Variants in GOT2 observed in about 807,000 individuals in gnomAD.
The protein encoded by GOT2 is glutamic-oxaloacetic transaminase 2, also known as aspartate aminotransferase, mitochondrial.
A neutral mutation model predicts 50.0 loss-of-function variants in GOT2; 17 were observed. The observed-to-expected ratio is 0.34, with a 90% confidence interval of 0.23 to 0.51. GOT2 has a LOEUF of 0.51. GOT2 is among the 20% of genes least tolerant of loss of function. GOT2 has a pLI of 0.97. For missense variants in GOT2, 430 were observed against 559.6 expected, an observed-to-expected ratio of 0.77 and a Z score of 2.34; for synonymous variants, 172 against 204.9, an observed-to-expected ratio of 0.84 and a Z score of 1.37.
chr16:58,725,965 G>A (rs1291332724), intron 1 of GOT2, among the ~76,000 whole-genome samples: 2 of 152,242 alleles, frequency 1.3e-5, no homozygotes, highest in Admixed American at 1.3e-4. Context: ...ACCCCAAAGA[G>A]CTTTTATTTA....
In GOT2 at chr16:58,716,375, G is replaced by A. The variant is rs2044692972; in HGVS notation, c.854-196C>T. The A allele has an allele frequency of 4.9e-6, 3 of 609,160 alleles. No homozygotes were observed. In the African/African-American group the frequency reaches 5.6e-5, roughly 11 times the overall value. The allele number at this position is 609,160 out of a possible 1,614,324, so 37.7% of individuals were successfully genotyped here. On this transcript the variant is annotated intron_variant, in intron 7 of 9. Transcript: ENST00000245206. ...GTTTTGAGTACTCAGAGTATTCAAA[G>A]GTATTTTTTATTGTATCTATCTTCT...
Position 58,718,115 on chromosome 16 carries a change from T to G in GOT2, c.702+81A>C, listed in dbSNP as rs1252884616. The G allele has an allele frequency of 8.2e-6, 8 of 972,736 alleles. 1 individual carries two copies. The highest frequency in any genetic ancestry group is 1.0e-5 in the Non-Finnish European group (6 of 595,764). The allele number at this position is 972,736 out of a possible 1,614,324, so 60.3% of individuals were successfully genotyped here. On this transcript the variant is annotated intron_variant, in intron 6 of 9. Coordinates refer to ENST00000245206, the MANE Select transcript of GOT2 (RefSeq NM_002080.4). ...TCACGCAGGTTCGAGGTTAAGACTC[T>G]CTGTTGAGACATTGCCAAATTAAGC...
At chr16:58,719,852 T>C (rs2044726832) in intron 3 of GOT2, among the ~76,000 whole-genome samples, 2 of 152,156 alleles carry the variant, frequency 1.3e-5, no homozygotes, top group Non-Finnish European at 1.5e-5. Flanking sequence ...TCTCTAAACA[T>C]CAAAGTTCCT....
chr16:58,724,045 C>A (rs2044762877), intron 1 of GOT2, 143 bp from the exon 2 acceptor site: 6 of 621,754 alleles, frequency 9.7e-6, no homozygotes, highest in South Asian at 2.3e-5. Flanking sequence ...CGTTTGCCTC[C>A]TGGGCTCAAG....
chr16:58,725,048 G>A (rs1459137114), intron 1 of GOT2, among the ~76,000 whole-genome samples: 1 of 151,912 alleles, frequency 6.6e-6, no homozygotes, highest in East Asian at 1.9e-4. Flanking sequence ...TTAGACTGGG[G>A]ATAAGCTTTT....
At chr16:58,721,759 G>A (rs2044741843) in intron 3 of GOT2, 1 of 152,616 alleles carries the variant, frequency 6.6e-6, no homozygotes, top group African/African-American at 2.5e-5. Flanking sequence ...CACAAAATGA[G>A]TTATCTTTTC....
intron 1 of GOT2, among the ~76,000 whole-genome samples, chr16:58,726,928 C>A (rs2044790452): frequency 6.6e-6 from 1 of 151,738 alleles, no homozygotes; most frequent in South Asian, 2.1e-4. Flanking sequence ...CCGAAGTAGG[C>A]GGATCACCTG....
Position 58,722,231 on chromosome 16 carries a change from G to A in GOT2, c.294C>T (p.Pro98=). Residue 98 remains proline, a synonymous_variant, in exon 3 of 10, where the codon CCC becomes CCT. Transcript: ENST00000245206. ...TGCAAAATTCAGCCAGTCCCCCAAT[G>A]GGCAGGTATTCCTTGTCCAAATTTT... ...AAKNLDKEYL[P]IGGLAEFCKA... The A allele has an allele frequency of 6.2e-7, 1 of 1,613,032 alleles. No individual in the cohort carries two copies. Among genetic ancestry groups the A allele is most frequent in the African/African-American group, 1.3e-5 (1 of 75,012 alleles).
At chr16:58,717,051 T>C (rs563429881) in intron 6 of GOT2, among the ~76,000 whole-genome samples, 73 of 152,278 alleles carry the variant, frequency 4.8e-4, no homozygotes, top group African/African-American at 1.8e-3. Context: ...TCTCATTCTG[T>C]TTGCAGCTTA....
intron 1 of GOT2, among the ~76,000 whole-genome samples, chr16:58,729,028 G>C (rs2044811012): frequency 6.6e-6 from 1 of 151,756 alleles, no homozygotes; most frequent in Non-Finnish European, 1.5e-5. Context: ...TTTTTCTAGA[G>C]AATCAGGAGA....
chr16:58,731,964 C>T (rs2044837982), intron 1 of GOT2, among the ~76,000 whole-genome samples: 1 of 152,216 alleles, frequency 6.6e-6, no homozygotes, highest in East Asian at 1.9e-4. Flanking sequence ...GCATCTGATT[C>T]TGTCACCTAA....
intron 3 of GOT2, among the ~76,000 whole-genome samples, chr16:58,719,653 G>T (rs1344192594): frequency 6.6e-6 from 1 of 152,068 alleles, no homozygotes; most frequent in African/African-American, 2.4e-5. Flanking sequence ...TACTGGAAAG[G>T]CTGAGGCATG....
Position 58,714,551 on chromosome 16 carries a change from C to CAAAA in GOT2, c.1019+1459_1019+1462dup, listed in dbSNP as rs765724020. On this transcript the variant is annotated intron_variant, in intron 8 of 9. Transcript: ENST00000245206. ...TGGGCGACAGAGCGAGACTCCGTCTCAAAAAAAAAAAAAAAAATTAGCTGG... is the reference window on the plus strand; with the variant it reads ...TGGGCGACAGAGCGAGACTCCGTCTCAAAAAAAAAAAAAAAAAAAAATTAGCTGG... Among the ~76,000 whole-genome samples, 346 of 103,510 alleles carry CAAAA rather than the reference C, an allele frequency of 3.3e-3. 1 individual carries two copies. The highest frequency in any genetic ancestry group is 0.012 in the African/African-American group (335 of 28,410). 67.9% of individuals were successfully genotyped at this position (103,510 alleles called of 152,430 possible).
At chr16:58,733,836 A>C in intron 1 of GOT2, 1 of 328,038 alleles carries the variant, frequency 3.0e-6, no homozygotes, top group Non-Finnish European at 5.5e-6. Context: ...CTCCCACTGA[A>C]TGGGAGTCCG....
At chr16:58,720,278 T>G in intron 3 of GOT2, among the ~76,000 whole-genome samples, 1 of 152,174 alleles carries the variant, frequency 6.6e-6, no homozygotes, top group East Asian at 1.9e-4. Context: ...TATTCATGTT[T>G]TGGGTAATAG....
intron 1 of GOT2, among the ~76,000 whole-genome samples, chr16:58,726,984 T>C (rs1442071632): frequency 6.6e-6 from 1 of 151,946 alleles, no homozygotes; most frequent in Non-Finnish European, 1.5e-5. Flanking sequence ...TGAAACTCTG[T>C]CTCTACTAAA....
chr16:58,729,552 A>C (rs2044815904), intron 1 of GOT2, among the ~76,000 whole-genome samples: 3 of 151,888 alleles, frequency 2.0e-5, no homozygotes, highest in Admixed American at 1.3e-4. Flanking sequence ...GTATCCTCCA[A>C]GACCCTCAAT....
intron 4 of GOT2, 73 bp from the exon 5 acceptor site, chr16:58,718,761 A>G: frequency 7.8e-7 from 1 of 1,276,660 alleles, no homozygotes. Flanking sequence ...TGTTTTATTG[A>G]GAGAACATTT....
intron 8 of GOT2, among the ~76,000 whole-genome samples, chr16:58,714,554 A>C (rs1407276014): frequency 6.6e-6 from 1 of 150,844 alleles, no homozygotes; most frequent in Non-Finnish European, 1.5e-5. Context: ...TCCGTCTCAA[A>C]AAAAAAAAAA....
Sources: allele counts gnomAD v4.1 joint callset (sites outside exome capture counted in the v4.1 genomes callset), GRCh38; gene constraint gnomAD v4.1.1; transcripts MANE v1.5; gene names NCBI Gene and HGNC (gene_info 2026-07-23, HGNC 2026-07-21).